ACTL6A: variants seen among roughly 807,000 people sequenced by gnomAD.
The protein encoded by ACTL6A is actin-like protein 6A.
A neutral mutation model predicts 59.2 loss-of-function variants in ACTL6A; 5 were observed. The observed-to-expected ratio is 0.08, with a 90% CI of 0.04 to 0.18. The LOEUF is 0.18. Among genes scored for constraint, ACTL6A ranks in the 10% least tolerant of loss-of-function variants. The probability of loss-of-function intolerance (pLI) is 1.00; values close to 1 mark genes in which losing one functional copy is unlikely to be tolerated. For missense variants in ACTL6A, 285 were observed against 526.9 expected (o/e 0.54, Z 4.49); for synonymous variants, 154 against 171.8 (o/e 0.90, Z 0.81).
chr3:179,574,541 G>T, intron 5 of ACTL6A, 74 bp downstream of exon 5: 1 of 1,047,374 alleles, frequency 9.5e-7, no homozygotes, highest in South Asian at 1.4e-5. Context: ...TCTGGGAGAA[G>T]ACATACGCCA....
Position 179,576,504 on chromosome 3 carries a change from A to G in ACTL6A, c.572-116A>G, listed in dbSNP as rs1576853837. 3.5e-6 allele frequency: 3 copies of G among 862,674 alleles called. No individual in the cohort carries two copies. The East Asian group carries it at 7.3e-5, about 21-fold the overall frequency. 53.4% of individuals were successfully genotyped at this position (862,674 alleles called of 1,614,324 possible). ...CATGGCTTTATTTATGTGTTGAAGG[A>G]TAGTTCAGTTCATTCTACCTGAAAA... On this transcript the variant is annotated intron_variant, in intron 6 of 13. Coordinates refer to ENST00000429709, the MANE Select transcript of ACTL6A (RefSeq NM_004301.5).
At chr3:179,582,029 C>G (rs1167631112) in intron 11 of ACTL6A, among the ~76,000 whole-genome samples, 2 of 152,148 alleles carry the variant, frequency 1.3e-5, no homozygotes, top group Non-Finnish European at 2.9e-5. Context: ...AAGCATAGTG[C>G]TAATAACTAC....
In ACTL6A at chr3:179,581,800, G is replaced by A. The variant is rs142223841; in HGVS notation, c.1026+580G>A. Among the ~76,000 whole-genome samples, 647 of 152,218 alleles carry A rather than the reference G, an allele frequency of 4.3e-3. 4 individuals are homozygous for A. The highest frequency in any genetic ancestry group is 0.015 in the African/African-American group (618 of 41,528). ...ATACTTCACTCATTATCAGTGATAG[G>A]TTCTTGGAGACTGCAACTTTAACTG... On this transcript the variant is annotated intron_variant, in intron 11 of 13. Transcript: ENST00000429709.
intron 12 of ACTL6A, among the ~76,000 whole-genome samples, chr3:179,585,316 G>T (rs1044942414): frequency 6.6e-6 from 1 of 152,128 alleles, no homozygotes; most frequent in African/African-American, 2.4e-5. Flanking sequence ...TGGTCAGGCT[G>T]ATCTCAAACT....
At chr3:179,572,395 T>C (rs1437807735) in intron 3 of ACTL6A, among the ~76,000 whole-genome samples, 1 of 152,138 alleles carries the variant, frequency 6.6e-6, no homozygotes, top group African/African-American at 2.4e-5. Flanking sequence ...ATTAATGACA[T>C]TTTTTCTTTG....
At chr3:179,576,574 A>G in intron 6 of ACTL6A, 46 bp from the exon 7 acceptor site, 1 of 1,452,046 alleles carries the variant, frequency 6.9e-7, no homozygotes, top group Non-Finnish European at 9.6e-7. Context: ...CGTTCAAGGA[A>G]GTTTGGACTT....
intron 12 of ACTL6A, among the ~76,000 whole-genome samples, chr3:179,584,764 G>A (rs1312279671): frequency 6.6e-6 from 1 of 152,022 alleles, no homozygotes; most frequent in Non-Finnish European, 1.5e-5. Flanking sequence ...CAGTCTGGGT[G>A]ACAAAGCAAG....
At chr3:179,563,182 C>A in intron 1 of ACTL6A, 65 bp downstream of exon 1, 2 of 1,550,690 alleles carry the variant, frequency 1.3e-6, no homozygotes, top group South Asian at 2.4e-5. Context: ...AACCGCCGCT[C>A]CCAGCCCTCC....
chr3:179,586,660 T>C lies in ACTL6A; in HGVS notation c.1209+28T>C, dbSNP rs376023484. ...TAGTAGATGAGCTACTTTGCAAAAA[T>C]ATTCTTACTGAATTATACTAAATTT... On this transcript the variant is annotated intron_variant, in intron 13 of 13. Coordinates refer to ENST00000429709, the MANE Select transcript of ACTL6A (RefSeq NM_004301.5). 6 of 1,516,462 alleles carry C rather than the reference T, an allele frequency of 4.0e-6. No homozygotes were observed. In the African/African-American group the frequency reaches 8.4e-5, roughly 21 times the overall value. The allele number at this position is 1,516,462 out of a possible 1,614,324, so 93.9% of individuals were successfully genotyped here.
At position 179,573,587 on chromosome 3, in the gene ACTL6A, A is replaced by C. The variant is rs949784207; in HGVS notation, c.378+118A>C. ...TTTCTTTAAAGAGGCATAGAAATTC[A>C]TATTTTGAATTTGAAAATTAGGGAA... On this transcript the variant is annotated intron_variant, in intron 4 of 13. Transcript: ENST00000429709. The C allele has an allele frequency of 7.4e-6, 5 of 672,642 alleles. No individual in the cohort carries two copies. In the Admixed American group the frequency reaches 1.2e-4, roughly 16 times the overall value. 41.7% of individuals were successfully genotyped at this position (672,642 alleles called of 1,614,324 possible).
At chr3:179,565,906 G>A (rs558776553) in intron 1 of ACTL6A, among the ~76,000 whole-genome samples, 10 of 152,284 alleles carry the variant, frequency 6.6e-5, no homozygotes, top group African/African-American at 2.2e-4. Flanking sequence ...GGATTGAAGA[G>A]GCAAAGAGGT....
intron 11 of ACTL6A, among the ~76,000 whole-genome samples, chr3:179,582,969 C>T (rs1718378223): frequency 6.6e-6 from 1 of 152,152 alleles, no homozygotes; most frequent in South Asian, 2.1e-4. Context: ...GTCCCAGCTA[C>T]TTGGGAGCCT....
At position 179,563,077 on chromosome 3, in the gene ACTL6A, C is replaced by T; in HGVS notation, c.-16C>T. The T allele has an allele frequency of 6.2e-7, 1 of 1,611,216 alleles. No homozygotes were observed. ...GCCAGTTAGCCCTTAGGGTAGGAGT[C>T]GCGCCGGCAGCAGCCATGAGCGGCG... On this transcript the variant is annotated 5_prime_UTR_variant, in exon 1 of 14. Coordinates refer to ENST00000429709, the MANE Select transcript of ACTL6A (RefSeq NM_004301.5).
chr3:179,573,359 T>C lies in ACTL6A; in HGVS notation c.278-10T>C. On this transcript the variant is annotated splice_polypyrimidine_tract_variant and intron_variant, in intron 3 of 13. Transcript: ENST00000429709. ...TGCATTATTTCCAAGTTACTAATCT[T>C]ATATTCTAGTTGAAGACTGGGATAG... is the stretch of plus-strand genomic sequence containing the variant. The C allele has an allele frequency of 6.5e-7, 1 of 1,537,048 alleles. No homozygotes were observed. The highest frequency in any genetic ancestry group is 1.3e-5 in the South Asian group (1 of 79,790).
chr3:179,574,456 A>T lies in ACTL6A; in HGVS notation c.465A>T (p.Ala155=). 6.2e-7 allele frequency: 1 copy of T among 1,602,144 alleles called. No individual in the cohort carries two copies. Among genetic ancestry groups the T allele is most frequent in the South Asian group, 1.1e-5 (1 of 90,816 alleles). The part of the protein sequence containing the change: ...NIPAFFLCKT[A]VLTAFANGRS... ...CTGCCTTCTTCCTTTGCAAAACTGC[A>T]GTTTTGACAGCGTATCCTTGAAAGA... Residue 155 remains alanine, a synonymous_variant, in exon 5 of 14, where the codon GCA becomes GCT. Coordinates refer to ENST00000429709, the MANE Select transcript of ACTL6A (RefSeq NM_004301.5).
chr3:179,584,107 A>G (rs1718413090), intron 12 of ACTL6A, among the ~76,000 whole-genome samples: 1 of 152,206 alleles, frequency 6.6e-6, no homozygotes, highest in Non-Finnish European at 1.5e-5. Flanking sequence ...ATAGTTCTTG[A>G]GGCTAGAAGC....
chr3:179,576,856 G>T lies in ACTL6A; in HGVS notation c.711G>T (p.Trp237Cys). Residue 237 changes from tryptophan to cysteine, a missense_variant, in exon 8 of 14, where the codon TGG becomes TGT. Trp to Cys is a radical substitution (Grantham distance 215, BLOSUM62 -2). Transcript: ENST00000429709. ...EAVREGSPAN[W>C]KRKEKLPQVT... ...TTCGTGAAGGATCTCCAGCAAACTG[G>T]AAAAGAAAAGAGAAGTTGCCTCAGG... The T allele has an allele frequency of 6.2e-7, 1 of 1,613,922 alleles. No individual in the cohort carries two copies. The highest frequency in any genetic ancestry group is 8.5e-7 in the Non-Finnish European group (1 of 1,179,948).
intron 9 of ACTL6A, 70 bp from the exon 10 acceptor site, chr3:179,580,824 C>T (rs1333580136): frequency 6.3e-6 from 9 of 1,424,796 alleles, no homozygotes; most frequent in African/African-American, 2.9e-5. Flanking sequence ...TTTATAATTC[C>T]CTAGTAGTTT....
intron 5 of ACTL6A, among the ~76,000 whole-genome samples, chr3:179,575,978 T>C (rs939257040): frequency 6.6e-6 from 1 of 152,246 alleles, no homozygotes; most frequent in Non-Finnish European, 1.5e-5. Flanking sequence ...GTTCCTAGGA[T>C]AAAGGTTTCC....
Sources: gnomAD v4.1 joint callset for allele counts (sites outside exome capture counted in the v4.1 genomes callset) on GRCh38, gnomAD v4.1.1 for gene constraint, MANE v1.5 for transcripts, NCBI Gene and HGNC (gene_info 2026-07-23, HGNC 2026-07-21) for gene names.